The following NFIA variants were observed in gnomAD, a reference collection of about 807,000 sequenced individuals.
The protein encoded by NFIA is nuclear factor I A.
In NFIA, 8 loss-of-function variants were observed where a neutral mutation model predicts 62.8. The ratio of observed to expected loss-of-function variants is 0.13; its 90% CI spans 0.07 to 0.23. NFIA has a LOEUF of 0.23. Ranked by LOEUF, NFIA falls within the 10% of genes least tolerant of loss-of-function variation. NFIA has a pLI of 1.00. For synonymous variants in NFIA, 235 were observed against 238.1 expected (o/e 0.99, Z 0.12); for missense variants, 410 against 642.1 (o/e 0.64, Z 3.91).
At chr1:61,115,874 G>A (rs1483960132) in intron 2 of NFIA, among the ~76,000 whole-genome samples, 2 of 152,134 alleles carry the variant, frequency 1.3e-5, no homozygotes, top group African/African-American at 2.4e-5. Context: ...ACGTTCCCTC[G>A]ATAAATTTAA....
intron 2 of NFIA, among the ~76,000 whole-genome samples, chr1:61,218,930 G>C (rs1378847397): frequency 6.6e-6 from 1 of 152,200 alleles, no homozygotes; most frequent in Non-Finnish European, 1.5e-5. Context: ...AAAACTAAGT[G>C]ATAAGAAATT....
At chr1:61,120,687 C>T (rs958096605) in intron 2 of NFIA, among the ~76,000 whole-genome samples, 2 of 152,144 alleles carry the variant, frequency 1.3e-5, no homozygotes, top group African/African-American at 2.4e-5. Context: ...ACGAGGCCTT[C>T]TACAGTTTGC....
intron 2 of NFIA, among the ~76,000 whole-genome samples, chr1:61,273,970 A>G (rs1480333704): frequency 6.6e-6 from 1 of 152,206 alleles, no homozygotes; most frequent in Non-Finnish European, 1.5e-5. Context: ...CTGAAGTTTC[A>G]TTCTGAAGGG....
intron 2 of NFIA, among the ~76,000 whole-genome samples, chr1:61,210,651 T>C (rs1385389391): frequency 1.3e-5 from 2 of 152,230 alleles, no homozygotes; most frequent in Non-Finnish European, 2.9e-5. Flanking sequence ...TTATCCATTA[T>C]TGGACAAAGA....
chr1:61,217,652 A>C (rs984843898), intron 2 of NFIA, among the ~76,000 whole-genome samples: 1 of 152,200 alleles, frequency 6.6e-6, no homozygotes, highest in Non-Finnish European at 1.5e-5. Flanking sequence ...TTTGGTAGGC[A>C]CATGTCAGTA....
intron 3 of NFIA, among the ~76,000 whole-genome samples, chr1:61,312,809 A>G (rs1347427875): frequency 1.3e-5 from 2 of 152,094 alleles, no homozygotes. Context: ...CACCATGCCC[A>G]ACTTCAAATT....
chr1:61,381,185 C>T (rs1346470719), intron 6 of NFIA, among the ~76,000 whole-genome samples: 5 of 151,740 alleles, frequency 3.3e-5, no homozygotes, highest in Admixed American at 6.6e-5. Flanking sequence ...ACATGTAGTT[C>T]AGGCATTGGA....
chr1:61,161,658 A>T (rs541548944), intron 2 of NFIA, among the ~76,000 whole-genome samples: 1 of 152,070 alleles, frequency 6.6e-6, no homozygotes, highest in East Asian at 1.9e-4. Flanking sequence ...TGACTTTATG[A>T]TGAGTTTATC....
chr1:61,105,405 G>T (rs1026360296), intron 2 of NFIA, among the ~76,000 whole-genome samples: 8 of 151,928 alleles, frequency 5.3e-5, no homozygotes, highest in Non-Finnish European at 8.8e-5. Flanking sequence ...ATTCCTTAGG[G>T]TATTACTGAT....
At chr1:61,105,759 G>C (rs991941429) in intron 2 of NFIA, among the ~76,000 whole-genome samples, 2 of 151,802 alleles carry the variant, frequency 1.3e-5, no homozygotes, top group African/African-American at 4.8e-5. Flanking sequence ...AGTATGGATG[G>C]ATGGACATTG....
At chr1:61,363,640 C>A (rs532585776) in intron 6 of NFIA, among the ~76,000 whole-genome samples, 2 of 151,098 alleles carry the variant, frequency 1.3e-5, no homozygotes, top group African/African-American at 4.8e-5. Context: ...CAATAAATAA[C>A]TCATGAGAGA....
At chr1:61,191,104 C>G (rs190133962) in intron 2 of NFIA, among the ~76,000 whole-genome samples, 1 of 150,718 alleles carries the variant, frequency 6.6e-6, no homozygotes, top group African/African-American at 2.4e-5. Flanking sequence ...TTTCTTAGTA[C>G]TTTAGCTCAA....
intron 3 of NFIA, among the ~76,000 whole-genome samples, chr1:61,328,394 T>C (rs1661079134): frequency 6.6e-6 from 1 of 150,484 alleles, no homozygotes; most frequent in Non-Finnish European, 1.5e-5. Context: ...GCTTTTGATA[T>C]TTTTCTCCTT....
intron 3 of NFIA, among the ~76,000 whole-genome samples, chr1:61,331,539 T>G (rs1661298690): frequency 1.3e-5 from 2 of 152,212 alleles, no homozygotes; most frequent in Admixed American, 1.3e-4. Context: ...GGTATGTTTC[T>G]TATGTCAAAG....
intron 2 of NFIA, among the ~76,000 whole-genome samples, chr1:61,098,035 A>G (rs1646446696): frequency 6.6e-6 from 1 of 152,186 alleles, no homozygotes; most frequent in Non-Finnish European, 1.5e-5. Context: ...CAAATGAATG[A>G]GGGATGGAGA....
chr1:61,459,397 A>G lies in NFIA; in HGVS notation c.*4077A>G, dbSNP rs1372950938. On this transcript the variant is annotated 3_prime_UTR_variant, in exon 11 of 11. Coordinates refer to ENST00000403491, the MANE Select transcript of NFIA (RefSeq NM_001134673.4). ...CCAGCAAAACGCCCCTTTTCTGATC[A>G]TTCGTGCGCAGAGGGCCTCCCAGTA... 1 of 152,204 alleles carries G rather than the reference A, an allele frequency of 6.6e-6. No individual in the cohort carries two copies. The highest frequency in any genetic ancestry group is 1.5e-5 in the Non-Finnish European group (1 of 68,106). 9.4% of individuals were successfully genotyped at this position (152,204 alleles called of 1,614,324 possible). A position where few individuals can be genotyped will look rare whatever the true frequency, so the allele number is the denominator to read the frequency against.
intron 2 of NFIA, among the ~76,000 whole-genome samples, chr1:61,186,007 T>A (rs530515551): frequency 6.6e-6 from 1 of 152,346 alleles, no homozygotes; most frequent in African/African-American, 2.4e-5. Flanking sequence ...GCACTTTTCC[T>A]AATCACATTG....
intron 6 of NFIA, among the ~76,000 whole-genome samples, chr1:61,366,276 G>A (rs541639112): frequency 7.5e-4 from 114 of 152,164 alleles, no homozygotes; most frequent in African/African-American, 2.7e-3. Flanking sequence ...ATATCAGTAA[G>A]TTTTGGCAGA....
chr1:61,462,627 T>G lies in NFIA; in HGVS notation c.*7307T>G, dbSNP rs1219333888. 1.3e-5 allele frequency: 2 copies of G among 152,242 alleles called. No homozygotes were observed. Among genetic ancestry groups the G allele is most frequent in the Admixed American group, 6.5e-5 (1 of 15,286 alleles). The allele number at this position is 152,242 out of a possible 1,614,324, so 9.4% of individuals were successfully genotyped here. Reference sequence around the variant, plus strand: ...AATCACTGTGGGCGTCCATTCTTATTCAACTAAATCTCCACAGGTTTTTTG... The same window carrying G: ...AATCACTGTGGGCGTCCATTCTTATGCAACTAAATCTCCACAGGTTTTTTG... On this transcript the variant is annotated 3_prime_UTR_variant, in exon 11 of 11. Transcript: ENST00000403491.
Sources: allele counts gnomAD v4.1 joint callset (sites outside exome capture counted in the v4.1 genomes callset), GRCh38; gene constraint gnomAD v4.1.1; transcripts MANE v1.5; gene names NCBI Gene and HGNC (gene_info 2026-07-23, HGNC 2026-07-21).